The following EPB41L4B variants were observed in gnomAD, a reference collection of about 807,000 sequenced individuals.
EPB41L4B encodes the protein band 4.1-like protein 4B.
EPB41L4B carries 30 observed loss-of-function variants against 112.5 expected under a neutral mutation model. The ratio of observed to expected loss-of-function variants is 0.27; its 90% confidence interval spans 0.20 to 0.36. EPB41L4B has a LOEUF of 0.36. EPB41L4B is among the 10% of genes least tolerant of loss of function. The pLI is 1.00. For synonymous variants in EPB41L4B, 408 were observed against 439.7 expected (o/e 0.93, Z 0.90); for missense variants, 1,024 against 1,133.3 (o/e 0.90, Z 1.38).
intron 13 of EPB41L4B, among the ~76,000 whole-genome samples, chr9:109,248,899 A>G (rs1413444562): frequency 6.6e-6 from 1 of 151,832 alleles, no homozygotes; most frequent in Non-Finnish European, 1.5e-5. Flanking sequence ...CTCTACTAAA[A>G]ATACAAAAAA....
chr9:109,189,172 A>G (rs991187407), intron 22 of EPB41L4B, among the ~76,000 whole-genome samples: 2 of 152,190 alleles, frequency 1.3e-5, no homozygotes, highest in African/African-American at 4.8e-5. Context: ...CCCAGGCAGA[A>G]ATTCAGATCT....
At chr9:109,198,670 G>C (rs1832724917) in intron 20 of EPB41L4B, among the ~76,000 whole-genome samples, 1 of 152,168 alleles carries the variant, frequency 6.6e-6, no homozygotes, top group African/African-American at 2.4e-5. Context: ...ACTTTGGGAG[G>C]CCAAGGTGGG....
chr9:109,305,331 A>G (rs1025652764), intron 1 of EPB41L4B, among the ~76,000 whole-genome samples: 7 of 152,208 alleles, frequency 4.6e-5, no homozygotes, highest in African/African-American at 1.7e-4. Context: ...ATACGAAGGC[A>G]GCACAGGCCG....
chr9:109,305,357 G>A (rs994202601), intron 1 of EPB41L4B, among the ~76,000 whole-genome samples: 4 of 152,210 alleles, frequency 2.6e-5, no homozygotes, highest in Non-Finnish European at 5.9e-5. Context: ...GGTGGCCCAG[G>A]CCTGTAATCC....
intron 1 of EPB41L4B, among the ~76,000 whole-genome samples, chr9:109,313,509 C>T (rs1837500045): frequency 6.6e-6 from 1 of 152,246 alleles, no homozygotes; most frequent in Non-Finnish European, 1.5e-5. Flanking sequence ...GAGTCACAGG[C>T]ATCCTGGGCT....
chr9:109,233,972 T>C (rs560389063), intron 15 of EPB41L4B, among the ~76,000 whole-genome samples: 3 of 152,254 alleles, frequency 2.0e-5, no homozygotes, highest in South Asian at 4.1e-4. Flanking sequence ...GACTCAAGAA[T>C]AGGGGTTTCA....
chr9:109,229,169 T>C (rs1833875079), intron 15 of EPB41L4B, among the ~76,000 whole-genome samples: 1 of 152,208 alleles, frequency 6.6e-6, no homozygotes, highest in African/African-American at 2.4e-5. Flanking sequence ...GATTCTGAGA[T>C]GTCAGGGTTT....
At position 109,255,546 on chromosome 9, in the gene EPB41L4B, G is replaced by A. The variant is rs775222249; in HGVS notation, c.1134C>T (p.Ser378=). 17 of 1,614,062 alleles carry A rather than the reference G, an allele frequency of 1.1e-5. No homozygotes were observed. Among genetic ancestry groups the A allele is most frequent in the East Asian group, 6.7e-5 (3 of 44,896 alleles). The change falls in exon 11 of 26, where the codon TCC becomes TCT. Residue 378 remains serine, a synonymous_variant. Coordinates refer to ENST00000374566, the MANE Select transcript of EPB41L4B (RefSeq NM_019114.5). ...AGCGAGAGCCCAGCCTGATAAAGTC[G>A]GATCTATTGGATTTGCTGTTTCCTG... The part of the protein sequence containing the change: ...RTPGNSKSNR[S]DFIRLGSRFR...
At chr9:109,284,371 T>C (rs1836188285) in intron 1 of EPB41L4B, among the ~76,000 whole-genome samples, 1 of 152,190 alleles carries the variant, frequency 6.6e-6, no homozygotes, top group Non-Finnish European at 1.5e-5. Flanking sequence ...AAACCATCTA[T>C]ATTAGGATGA....
chr9:109,294,125 T>C (rs1479324216), intron 1 of EPB41L4B, among the ~76,000 whole-genome samples: 1 of 151,534 alleles, frequency 6.6e-6, no homozygotes, highest in Admixed American at 6.6e-5. Flanking sequence ...GCTAACACAG[T>C]GAAACCCCAT....
chr9:109,214,344 A>G (rs1833289412), intron 16 of EPB41L4B, among the ~76,000 whole-genome samples: 1 of 152,230 alleles, frequency 6.6e-6, no homozygotes, highest in Non-Finnish European at 1.5e-5. Context: ...TTAAATATTC[A>G]TTAAATATTA....
At chr9:109,241,942 G>A (rs990808917) in intron 15 of EPB41L4B, 21 of 801,128 alleles carry the variant, frequency 2.6e-5, no homozygotes, top group Non-Finnish European at 4.2e-5. Context: ...GGCTATGAAT[G>A]GAAATGAATG....
chr9:109,227,590 C>G (rs937902300), intron 15 of EPB41L4B, among the ~76,000 whole-genome samples: 2 of 148,334 alleles, frequency 1.3e-5, no homozygotes, highest in African/African-American at 4.9e-5. Context: ...ATATCCCCCC[C>G]TTTTTTTTTT....
chr9:109,199,901 T>G (rs1832764594), intron 20 of EPB41L4B, among the ~76,000 whole-genome samples: 1 of 152,070 alleles, frequency 6.6e-6, no homozygotes, highest in South Asian at 2.1e-4. Flanking sequence ...CCCTGACACC[T>G]TGAATGCAGC....
intron 15 of EPB41L4B, among the ~76,000 whole-genome samples, chr9:109,229,283 T>C (rs1833878664): frequency 6.6e-6 from 1 of 152,198 alleles, no homozygotes; most frequent in Non-Finnish European, 1.5e-5. Context: ...ACCTCCTAAG[T>C]AACCAAATCA....
intron 17 of EPB41L4B, among the ~76,000 whole-genome samples, chr9:109,213,392 T>C (rs1833250022): frequency 6.6e-6 from 1 of 152,156 alleles, no homozygotes; most frequent in Admixed American, 6.5e-5. Flanking sequence ...GGGCTAGAAA[T>C]GCAAAGCGGT....
At chr9:109,243,136 G>A (rs1254732453) in intron 15 of EPB41L4B, among the ~76,000 whole-genome samples, 2 of 129,896 alleles carry the variant, frequency 1.5e-5, no homozygotes, top group Non-Finnish European at 3.2e-5. Flanking sequence ...TACAGAAAAA[G>A]TTTATTGACC....
intron 15 of EPB41L4B, among the ~76,000 whole-genome samples, chr9:109,243,212 CAAAAAAAAAAA>C (rs58092749): frequency 1.9e-5 from 1 of 52,282 alleles, no homozygotes; most frequent in Non-Finnish European, 3.1e-5. Flanking sequence ...CCCACCCCCG[CAAAAAAAAAAA>C]AAAAAAAAAA....
At chr9:109,238,870 C>G (rs1179239969) in intron 15 of EPB41L4B, among the ~76,000 whole-genome samples, 2 of 152,186 alleles carry the variant, frequency 1.3e-5, no homozygotes, top group African/African-American at 4.8e-5. Flanking sequence ...GGGTGTGGCA[C>G]ATGCCAGGAA....
Sources: allele counts gnomAD v4.1 joint callset (sites outside exome capture counted in the v4.1 genomes callset), GRCh38; gene constraint gnomAD v4.1.1; transcripts MANE v1.5; gene names NCBI Gene and HGNC (gene_info 2026-07-23, HGNC 2026-07-21).